ADGRF5: variants seen among roughly 807,000 people sequenced by gnomAD.
ADGRF5 encodes the protein G-protein coupled receptor 116.
A neutral mutation model predicts 132.3 loss-of-function variants in ADGRF5; 75 were observed. The observed-to-expected ratio is 0.57, with a 90% CI of 0.47 to 0.69. The LOEUF is 0.69. Ranked by LOEUF, ADGRF5 falls within the 30% of genes least tolerant of loss-of-function variation. The pLI, the probability that ADGRF5 is intolerant of heterozygous loss-of-function variation, is 0.00. For missense variants in ADGRF5, 1,516 were observed against 1,630.6 expected (o/e 0.93, Z 1.21); for synonymous variants, 629 against 597.6 (o/e 1.05, Z -0.77).
chr6:46,883,559 C>T lies in ADGRF5; in HGVS notation c.612G>A (p.Ala204=), dbSNP rs78333594. The part of the protein sequence containing the change: ...YRSYKTDLET[A]FRKGYGILPG... ...AGAGGTTCTTGGGGCCAAAACCTACCGCTGTTTCCAAGTCGGTCTTGTAGG... is the reference window on the plus strand; with the variant it reads ...AGAGGTTCTTGGGGCCAAAACCTACTGCTGTTTCCAAGTCGGTCTTGTAGG... The change falls in exon 6 of 21, where the codon GCG becomes GCA. Residue 204 remains alanine, a splice_region_variant and synonymous_variant. Transcript: ENST00000283296. 7.9e-3 allele frequency: 12,409 copies of T among 1,573,654 alleles called. 257 individuals carry two copies. Among genetic ancestry groups the T allele is most frequent in the African/African-American group, 0.071 (5,202 of 73,752 alleles).
intron 1 of ADGRF5, among the ~76,000 whole-genome samples, chr6:46,943,089 A>G (rs1162764230): frequency 1.3e-5 from 2 of 152,162 alleles, no homozygotes; most frequent in Non-Finnish European, 2.9e-5. Flanking sequence ...GTGGGTCTCA[A>G]GTCAAAAGAG....
intron 4 of ADGRF5, chr6:46,888,077 G>A (rs1773238235): frequency 1.3e-5 from 4 of 318,960 alleles, no homozygotes; most frequent in South Asian, 1.0e-4. Flanking sequence ...CCATATCTTG[G>A]GATCACTTTA....
In ADGRF5 at chr6:46,863,090, T is replaced by C; in HGVS notation, c.1997A>G (p.Asn666Ser). ...SMKLNLVPGE[N>S]ITCQDPVIGV... ...TATTACGGGATCCTGGCATGTGATG[T>C]TTTCCCCTGTGTTGGAAACATTGAA... Residue 666 changes from asparagine (N) to serine (S), a missense_variant, in exon 15 of 21, where the codon AAC becomes AGC. By Grantham distance (46) the Asn-to-Ser change is conservative. Around this residue, in one of 2 missense-constraint regions of ADGRF5, gnomAD observed 945 missense variants for 929.4 expected, o/e 1.02. Transcript: ENST00000283296. The C allele has an allele frequency of 6.2e-7, 1 of 1,611,954 alleles. No homozygotes were observed. The highest frequency in any genetic ancestry group is 2.2e-5 in the East Asian group (1 of 44,856).
At chr6:46,926,970 A>G (rs141649738) in intron 1 of ADGRF5, among the ~76,000 whole-genome samples, 1 of 152,172 alleles carries the variant, frequency 6.6e-6, no homozygotes, top group African/African-American at 2.4e-5. Context: ...GCACTCTCCA[A>G]TGGCGGATAC....
At chr6:46,923,495 T>A, upstream of ADGRF5, among the ~76,000 whole-genome samples, 1 of 152,260 alleles carries the variant, frequency 6.6e-6, no homozygotes, top group South Asian at 2.1e-4. Context: ...AAAATGTTAT[T>A]ATTCCACTTC....
At chr6:46,897,145 T>TATACAC (rs1554206284) in intron 3 of ADGRF5, among the ~76,000 whole-genome samples, 7,987 of 141,730 alleles carry the variant, frequency 0.056, 330 homozygotes, top group African/African-American at 0.13. Context: ...TGCATATATA[T>TATACAC]ACACACACAC....
intron 2 of ADGRF5, among the ~76,000 whole-genome samples, chr6:46,902,156 T>C (rs1185480542): frequency 1.3e-5 from 2 of 152,208 alleles, no homozygotes; most frequent in African/African-American, 4.8e-5. Flanking sequence ...TGTATAGGAC[T>C]GTTTCCAGCC....
At chr6:46,929,594 G>A (rs1777454734) in intron 1 of ADGRF5, among the ~76,000 whole-genome samples, 1 of 150,938 alleles carries the variant, frequency 6.6e-6, no homozygotes, top group Non-Finnish European at 1.5e-5. Context: ...AATTTCACAG[G>A]TACAGGTGGG....
Position 46,858,113 on chromosome 6 carries a change from G to A in ADGRF5, c.3774+16C>T, listed in dbSNP as rs370638242. ...GGAATAAAATCTTCCTGAAAGCTCC[G>A]CACTGTAAAACTCACCTGGAAGACA... On this transcript the variant is annotated intron_variant, in intron 17 of 20. Transcript: ENST00000283296. The A allele has an allele frequency of 9.4e-5, 149 of 1,581,530 alleles. No individual in the cohort carries two copies. The Middle Eastern group carries it at 1.3e-3, about 14-fold the overall frequency.
chr6:46,897,079 T>C (rs1239261333), intron 3 of ADGRF5, among the ~76,000 whole-genome samples: 4 of 148,884 alleles, frequency 2.7e-5, no homozygotes, highest in African/African-American at 9.9e-5. Context: ...GACAACAGTA[T>C]ACACACACAC....
chr6:46,893,845 C>T (rs895926719), intron 3 of ADGRF5, among the ~76,000 whole-genome samples: 1 of 152,184 alleles, frequency 6.6e-6, no homozygotes, highest in Admixed American at 6.5e-5. Flanking sequence ...ACCAGGATTT[C>T]CCCTCTCCTT....
upstream of ADGRF5, among the ~76,000 whole-genome samples, chr6:46,924,318 CTAATGCATTGACTG>C (rs1188902927): frequency 5.9e-5 from 9 of 152,348 alleles, no homozygotes; most frequent in Non-Finnish European, 1.2e-4. Context: ...AACAATCCAT[CTAATGCATTGACTG>C]TAAGCACCTT....
In ADGRF5 at chr6:46,944,102, T is replaced by A. The variant is rs142282862; in HGVS notation, c.-25+10632A>T. On this transcript the variant is annotated intron_variant, in intron 1 of 20. Coordinates refer to the ADGRF5 transcript ENST00000265417. ...AGTACTTCTAAGGCAGTGGTCTCCA[T>A]CCTCTTTGGCACCAGGGACTGGTTT... Among the ~76,000 whole-genome samples the A allele has an allele frequency of 3.6e-3, 547 of 152,332 alleles. 3 individuals carry two copies. The highest frequency in any genetic ancestry group is 0.012 in the African/African-American group (512 of 41,580).
chr6:46,864,052 C>G (rs1170356228), intron 14 of ADGRF5, among the ~76,000 whole-genome samples: 1 of 152,176 alleles, frequency 6.6e-6, no homozygotes, highest in African/African-American at 2.4e-5. Context: ...GATAACGATC[C>G]TTTGTCTATC....
intron 1 of ADGRF5, among the ~76,000 whole-genome samples, chr6:46,941,097 G>C (rs185069768): frequency 3.3e-4 from 50 of 152,216 alleles, no homozygotes; most frequent in African/African-American, 1.2e-3. Context: ...CACTTTGGAA[G>C]ATCAAGGTGG....
At chr6:46,919,989 A>G (rs1053769122) in intron 1 of ADGRF5, among the ~76,000 whole-genome samples, 2 of 152,188 alleles carry the variant, frequency 1.3e-5, no homozygotes, top group African/African-American at 2.4e-5. Flanking sequence ...TTTTTACAGA[A>G]GACTAAAAGA....
chr6:46,884,397 A>G lies in ADGRF5; in HGVS notation c.329-126T>C, dbSNP rs1772831239. ...TCTGACTTTATATTACCTTTCTGAG[A>G]AGTTCAATAGCACTGCATAAAATTG... is the stretch of plus-strand genomic sequence containing the variant. On this transcript the variant is annotated intron_variant, in intron 4 of 20. Transcript: ENST00000283296. 4 of 704,216 alleles carry G rather than the reference A, an allele frequency of 5.7e-6. No individual in the cohort carries two copies. The African/African-American group carries it at 7.1e-5, about 12-fold the overall frequency. 43.6% of individuals were successfully genotyped at this position (704,216 alleles called of 1,614,324 possible).
intron 1 of ADGRF5, among the ~76,000 whole-genome samples, chr6:46,938,984 C>A (rs1287982864): frequency 1.3e-5 from 2 of 151,942 alleles, no homozygotes; most frequent in Non-Finnish European, 2.9e-5. Flanking sequence ...GATGTTCCTG[C>A]CTCAGCCTCC....
intron 10 of ADGRF5, among the ~76,000 whole-genome samples, chr6:46,877,225 CTCTT>C (rs71536391): frequency 0.014 from 1,833 of 131,702 alleles, 84 homozygotes; most frequent in Middle Eastern, 0.031. Flanking sequence ...TTTATTTCCT[CTCTT>C]TCTTTCTTTC....
Sources: gnomAD v4.1 joint callset for allele counts (sites outside exome capture counted in the v4.1 genomes callset) on GRCh38, gnomAD v4.1.1 for gene constraint, gnomAD v4.1.1 regional missense constraint, MANE v1.5 for transcripts, NCBI Gene and HGNC (gene_info 2026-07-23, HGNC 2026-07-21) for gene names.